PDLIM2: variants seen among roughly 807,000 people sequenced by gnomAD.
PDLIM2 encodes the protein PDZ and LIM domain protein 2.
A neutral mutation model predicts 54.1 loss-of-function variants in PDLIM2; 51 were observed. The observed-to-expected ratio is 0.94, with a 90% CI of 0.75 to 1.19. The LOEUF is 1.19. Among genes scored for constraint, PDLIM2 ranks in the 50% most tolerant of loss-of-function variants. The pLI, the probability that PDLIM2 is intolerant of heterozygous loss-of-function variation, is 0.00. For synonymous variants in PDLIM2, 398 were observed against 385.6 expected (o/e 1.03, Z -0.38); for missense variants, 912 against 874.0 (o/e 1.04, Z -0.55).
chr8:22,579,626 CG>C, intron 1 of PDLIM2: 8 of 1,299,360 alleles, frequency 6.2e-6, no homozygotes, highest in Non-Finnish European at 7.9e-6. Context: ...GGAAGGCAGC[CG>C]GGGATGGAGC....
At position 22,585,140 on chromosome 8, in the gene PDLIM2, G is replaced by A; in HGVS notation, c.1189G>A (p.Gly397Arg). 6.2e-7 allele frequency: 1 copy of A among 1,613,532 alleles called. No individual in the cohort carries two copies. Among genetic ancestry groups the A allele is most frequent in the Non-Finnish European group, 8.5e-7 (1 of 1,179,966 alleles). ...ACCACCCTCTAGCAGCTCCCTCACT[G>A]GAGAGGCAGCCATCAGCCGCAGGTG... Residue 397 changes from glycine (G) to arginine (R), a missense_variant, in exon 5 of 10, where the codon GGA becomes AGA. Transcript: ENST00000308354.
At chr8:22,580,358 G>T in intron 1 of PDLIM2, 117 bp from the exon 1 acceptor site, 1 of 934,268 alleles carries the variant, frequency 1.1e-6, no homozygotes, top group Non-Finnish European at 1.5e-6. Flanking sequence ...CCTGGGAGTC[G>T]CTCCCTGGGC....
At chr8:22,585,555 G>A (rs1183676206) in intron 6 of PDLIM2, 156 bp downstream of exon 5, 7 of 557,870 alleles carry the variant, frequency 1.3e-5, no homozygotes, top group Non-Finnish European at 1.9e-5. Context: ...GAGCCAGGGA[G>A]GCCATGCTTC....
downstream of PDLIM2, chr8:22,596,789 C>A (rs1051537141): frequency 1.3e-4 from 20 of 152,224 alleles, no homozygotes; most frequent in Admixed American, 1.2e-3. Flanking sequence ...AGGGATACTT[C>A]CAATGCTTTA....
chr8:22,585,510 C>T, intron 6 of PDLIM2, 111 bp downstream of exon 5: 1 of 1,045,714 alleles, frequency 9.6e-7, no homozygotes, highest in Admixed American at 2.2e-5. Context: ...GCAGCCATGG[C>T]CTCCTTCTCC....
At chr8:22,582,005 T>C (rs62492626) in intron 3 of PDLIM2, among the ~76,000 whole-genome samples, 12,959 of 152,206 alleles carry the variant, frequency 0.085, 620 homozygotes, top group Non-Finnish European at 0.11. Flanking sequence ...TGTCTGTTCC[T>C]CCCCATCACT....
intron 6 of PDLIM2, chr8:22,588,939 C>T (rs1469424069): frequency 8.4e-6 from 3 of 358,036 alleles, no homozygotes; most frequent in Non-Finnish European, 1.5e-5. Flanking sequence ...AGCCAGGCCC[C>T]AGTGTGCAAT....
At chr8:22,587,647 A>G (rs1800416909) in intron 6 of PDLIM2, 1 of 152,212 alleles carries the variant, frequency 6.6e-6, no homozygotes, top group South Asian at 2.1e-4. Context: ...CTCTTCTGTG[A>G]AGGCAAGGGT....
At chr8:22,591,563 C>T (rs1465723868) in exon 9 of PDLIM2, 2 of 1,613,664 alleles carry the variant, frequency 1.2e-6, no homozygotes, top group Admixed American at 3.3e-5. Context: ...GGCACGCCAG[C>T]CTTCTTGCCC....
chr8:22,593,630 T>C, intron 9 of PDLIM2, 103 bp from the exon 9 acceptor site: 3 of 751,122 alleles, frequency 4.0e-6, no homozygotes, highest in South Asian at 2.0e-5. Flanking sequence ...GGCTTTGGGC[T>C]CCACCCAGGT....
At chr8:22,580,324 G>A (rs1800151272) in intron 1 of PDLIM2, 151 bp from the exon 1 acceptor site, 1 of 584,828 alleles carries the variant, frequency 1.7e-6, no homozygotes, top group South Asian at 2.0e-5. Context: ...CAAGCCCCCT[G>A]CCTGGCAGCC....
At chr8:22,594,608 G>A (rs1313679315), downstream of PDLIM2, 6 of 1,613,926 alleles carry the variant, frequency 3.7e-6, no homozygotes, top group African/African-American at 8.0e-5. Flanking sequence ...CAAGCGGAGG[G>A]ACAGGAGGAA....
exon 5 of PDLIM2, chr8:22,585,029 A>G (rs755714943): frequency 6.2e-7 from 1 of 1,613,906 alleles, no homozygotes; most frequent in East Asian, 2.2e-5. Context: ...CTCCGTGAGG[A>G]CATACACTGA....
chr8:22,593,577 CAAAAAAAAAAAAAA>C (rs59345957), intron 9 of PDLIM2, 142 bp from the exon 9 acceptor site: 7 of 390,412 alleles, frequency 1.8e-5, no homozygotes, highest in African/African-American at 8.1e-5. Context: ...AACTCCATCT[CAAAAAAAAAAAAAA>C]AAAAAAAAAA....
intron 9 of PDLIM2, 77 bp from the exon 9 acceptor site, chr8:22,593,656 G>A: frequency 1.5e-6 from 2 of 1,358,936 alleles, no homozygotes; most frequent in Non-Finnish European, 1.0e-6. Flanking sequence ...TGCTACAGTG[G>A]GGACCAGGCC....
rs148111714 is a variant in PDLIM2 at position 22,582,155 on chromosome 8, C to A, written c.995+625C>A. 3.2e-4 allele frequency among the ~76,000 whole-genome samples: 49 copies of A among 152,310 alleles called. No homozygotes were observed. In the East Asian group the frequency reaches 9.2e-3, roughly 29 times the overall value. On this transcript the variant is annotated intron_variant, in intron 3 of 9. Transcript: ENST00000308354. ...TGGGGCATTGCAGTGAGTCACAGATCGGGAATGCCAGGAGATCCCCGAGCC... is the reference window on the plus strand; with the variant it reads ...TGGGGCATTGCAGTGAGTCACAGATAGGGAATGCCAGGAGATCCCCGAGCC...
chr8:22,585,349 C>T, exon 6 of PDLIM2: 1 of 1,612,828 alleles, frequency 6.2e-7, no homozygotes, highest in Middle Eastern at 1.7e-4. Context: ...TTCCCCGGGC[C>T]TCCCCGCTGC....
downstream of PDLIM2, chr8:22,594,346 C>T: frequency 6.8e-7 from 1 of 1,462,644 alleles, no homozygotes; most frequent in Admixed American, 2.5e-5. Context: ...TGGGTATGAC[C>T]TGCTCCCACC....
At chr8:22,580,909 G>T (rs940598396) in intron 2 of PDLIM2, 2 of 710,726 alleles carry the variant, frequency 2.8e-6, no homozygotes, top group Admixed American at 2.0e-5. Context: ...AGGGAGCTGG[G>T]ACCAGGACAG....
Sources: gnomAD v4.1 joint callset for allele counts (sites outside exome capture counted in the v4.1 genomes callset) on GRCh38, gnomAD v4.1.1 for gene constraint, MANE v1.5 for transcripts, NCBI Gene and HGNC (gene_info 2026-07-23, HGNC 2026-07-21) for gene names.